WWTR1: variants seen among roughly 807,000 people sequenced by gnomAD.
WWTR1 encodes the protein WW domain-containing transcription regulator protein 1.
A neutral mutation model predicts 40.1 loss-of-function variants in WWTR1; 13 were observed. The observed-to-expected ratio is 0.32, with a 90% CI of 0.21 to 0.52. The LOEUF (loss-of-function observed/expected upper bound fraction) is 0.52. Ranked by LOEUF, WWTR1 falls within the 20% of genes least tolerant of loss-of-function variation. The pLI is 0.97. For synonymous variants in WWTR1, 230 were observed against 210.1 expected (o/e 1.09, Z -0.82); for missense variants, 436 against 523.1 (o/e 0.83, Z 1.63).
intron 3 of WWTR1, among the ~76,000 whole-genome samples, chr3:149,559,293 C>CAAAAAA (rs57470539): frequency 2.2e-3 from 127 of 57,340 alleles, no homozygotes; most frequent in Non-Finnish European, 2.5e-3. Context: ...GACTCCATCT[C>CAAAAAA]AAAAAAAAAA....
chr3:149,685,927 A>AATAATTC (rs1440446263), intron 1 of WWTR1, among the ~76,000 whole-genome samples: 1 of 152,188 alleles, frequency 6.6e-6, no homozygotes, highest in Non-Finnish European at 1.5e-5. Context: ...TTTATTTGAC[A>AATAATTC]GACTGCTTAG....
chr3:149,589,236 G>A (rs957180596), intron 2 of WWTR1, among the ~76,000 whole-genome samples: 4 of 152,120 alleles, frequency 2.6e-5, no homozygotes, highest in Non-Finnish European at 5.9e-5. Context: ...AGAAGGGAGC[G>A]GCATTTATTG....
At chr3:149,710,118 A>G (rs548455568) in intron 5 of WWTR1, among the ~76,000 whole-genome samples, 1 of 152,210 alleles carries the variant, frequency 6.6e-6, no homozygotes, top group African/African-American at 2.4e-5. Context: ...CAAGGCCCCA[A>G]CTGTACTGGA....
At chr3:149,589,419 A>T (rs1738592498) in intron 2 of WWTR1, among the ~76,000 whole-genome samples, 1 of 152,146 alleles carries the variant, frequency 6.6e-6, no homozygotes, top group Non-Finnish European at 1.5e-5. Flanking sequence ...CCCCACGTTA[A>T]TCATATATTC....
chr3:149,563,572 AAGTCAATGCCCT>A (rs1310318130), intron 3 of WWTR1, among the ~76,000 whole-genome samples: 1 of 152,218 alleles, frequency 6.6e-6, no homozygotes, highest in Non-Finnish European at 1.5e-5. Flanking sequence ...AAAATGACAA[AAGTCAATGCCCT>A]AGTAAATGTC....
intron 2 of WWTR1, among the ~76,000 whole-genome samples, chr3:149,653,327 A>G (rs1159751743): frequency 2.6e-5 from 4 of 152,208 alleles, no homozygotes; most frequent in African/African-American, 9.7e-5. Context: ...GTTGCCCAAC[A>G]CCCCAGCCTG....
At chr3:149,545,323 G>C (rs188714588) in intron 3 of WWTR1, among the ~76,000 whole-genome samples, 183 of 152,194 alleles carry the variant, frequency 1.2e-3, no homozygotes, top group African/African-American at 4.1e-3. Context: ...AGGCGCAGAT[G>C]GAAGAATGAT....
chr3:149,645,205 G>A (rs886811815), intron 2 of WWTR1, among the ~76,000 whole-genome samples: 21 of 151,812 alleles, frequency 1.4e-4, no homozygotes, highest in Admixed American at 2.6e-4. Flanking sequence ...TCGGCCTCCC[G>A]AGTCACTGGG....
intron 3 of WWTR1, among the ~76,000 whole-genome samples, chr3:149,548,794 G>C (rs533877792): frequency 1.3e-5 from 2 of 152,160 alleles, no homozygotes; most frequent in African/African-American, 4.8e-5. Flanking sequence ...CTTCTCAGTG[G>C]AGGTATCTCT....
chr3:149,644,682 T>C (rs1174532464), intron 2 of WWTR1, among the ~76,000 whole-genome samples: 1 of 152,148 alleles, frequency 6.6e-6, no homozygotes, highest in Non-Finnish European at 1.5e-5. Context: ...AACAAACTAA[T>C]GCTGTTTTTA....
intron 3 of WWTR1, among the ~76,000 whole-genome samples, chr3:149,547,626 G>C (rs1736426603): frequency 6.6e-6 from 1 of 152,124 alleles, no homozygotes; most frequent in Admixed American, 6.5e-5. Context: ...AAAGGCTAAA[G>C]ACCTCGTCAG....
At chr3:149,599,624 A>G (rs1303356142) in intron 2 of WWTR1, among the ~76,000 whole-genome samples, 2 of 152,246 alleles carry the variant, frequency 1.3e-5, no homozygotes, top group African/African-American at 4.8e-5. Context: ...GTTGAGTGGA[A>G]ATAAGACTTA....
At chr3:149,540,479 A>G (rs1736042722) in intron 4 of WWTR1, among the ~76,000 whole-genome samples, 2 of 152,200 alleles carry the variant, frequency 1.3e-5, no homozygotes, top group Non-Finnish European at 2.9e-5. Context: ...AATGGTCACA[A>G]CTTTGTGTAA....
chr3:149,637,168 C>A (rs958496073), intron 2 of WWTR1, among the ~76,000 whole-genome samples: 2 of 151,742 alleles, frequency 1.3e-5, no homozygotes, highest in Non-Finnish European at 2.9e-5. Context: ...AATCTAAAAG[C>A]ATCAATTTCT....
intron 4 of WWTR1, among the ~76,000 whole-genome samples, chr3:149,718,950 T>G (rs1237447897): frequency 6.6e-6 from 1 of 151,716 alleles, no homozygotes; most frequent in Non-Finnish European, 1.5e-5. Context: ...CTCAGCCTCC[T>G]GAGGAGCTGG....
At chr3:149,611,853 G>T (rs576940295) in intron 2 of WWTR1, among the ~76,000 whole-genome samples, 1 of 152,302 alleles carries the variant, frequency 6.6e-6, no homozygotes. Flanking sequence ...TCACAAATAT[G>T]TTTGTTCACT....
intron 2 of WWTR1, among the ~76,000 whole-genome samples, chr3:149,622,487 AAGG>A (rs1249304166): frequency 5.2e-5 from 7 of 134,584 alleles, no homozygotes; most frequent in Admixed American, 7.7e-5. Flanking sequence ...GGAAGGAAGG[AAGG>A]AAGGAAGGAA....
intron 1 of WWTR1, among the ~76,000 whole-genome samples, chr3:149,676,027 G>C (rs571493872): frequency 2.0e-5 from 3 of 152,170 alleles, no homozygotes; most frequent in Admixed American, 6.5e-5. Flanking sequence ...TTTCAATGCA[G>C]AAGTTATTTG....
chr3:149,550,369 T>C (rs1281860070), intron 3 of WWTR1, among the ~76,000 whole-genome samples: 1 of 152,170 alleles, frequency 6.6e-6, no homozygotes, highest in Non-Finnish European at 1.5e-5. Context: ...TTGGAAGATT[T>C]GTCAGTCTTT....
Sources: gnomAD v4.1 joint callset for allele counts (sites outside exome capture counted in the v4.1 genomes callset) on GRCh38, gnomAD v4.1.1 for gene constraint, MANE v1.5 for transcripts, NCBI Gene and HGNC (gene_info 2026-07-23, HGNC 2026-07-21) for gene names.